ATG7: variants seen among roughly 807,000 people sequenced by gnomAD.
ATG7 encodes the protein ubiquitin-like modifier-activating enzyme ATG7.
Under a neutral mutation model 82.4 loss-of-function variants are expected in ATG7, and 70 were observed. That is an observed-to-expected ratio of 0.85 (90% CI 0.70 to 1.04). The LOEUF (loss-of-function observed/expected upper bound fraction) is 1.04. ATG7 is among the 50% of genes least tolerant of loss of function. The pLI is 0.00. For synonymous variants in ATG7, 287 were observed against 313.0 expected, an observed-to-expected ratio of 0.92 and a Z score of 0.88; for missense variants, 792 against 864.3, an observed-to-expected ratio of 0.92 and a Z score of 1.05.
chr3:11,407,392 G>A (rs11712187), intron 19 of ATG7, among the ~76,000 whole-genome samples: 32,001 of 152,160 alleles, frequency 0.21, 3,809 homozygotes, highest in South Asian at 0.34. Flanking sequence ...ACAGACTGGC[G>A]TTGAGTGTCT....
intron 20 of ATG7, among the ~76,000 whole-genome samples, chr3:11,498,403 C>T (rs1306889152): frequency 3.3e-5 from 5 of 152,202 alleles, no homozygotes; most frequent in Non-Finnish European, 7.3e-5. Context: ...TCTGTATTGT[C>T]ATAGGCTTTT....
rs2077014613 is a variant in ATG7, at chr3:11,371,810, G to T, written c.1875+7076G>T. ...TTTTGTGCTTCCACCAACACTAGTT[G>T]TGTTTCTAAAAGACCCTTGGCACCT... On this transcript the variant is annotated intron_variant, in intron 18 of 20. Coordinates refer to ENST00000693202, the MANE Select transcript of ATG7 (RefSeq NM_001349232.2). 1.3e-5 allele frequency among the ~76,000 whole-genome samples: 2 copies of T among 151,204 alleles called. 1 individual carries two copies. Among genetic ancestry groups the T allele is most frequent in the African/African-American group, 4.9e-5 (2 of 40,962 alleles).
At chr3:11,302,685 G>C (rs1946979473) in intron 5 of ATG7, among the ~76,000 whole-genome samples, 1 of 152,194 alleles carries the variant, frequency 6.6e-6, no homozygotes, top group Non-Finnish European at 1.5e-5. Flanking sequence ...CTTGATAACA[G>C]AATGTGCTAG....
chr3:11,317,325 C>T (rs17034276), intron 9 of ATG7, among the ~76,000 whole-genome samples: 2,657 of 152,228 alleles, frequency 0.017, 83 homozygotes, highest in East Asian at 0.1. Context: ...TGTTTGGAAG[C>T]GACCGTAGGT....
chr3:11,489,873 T>C (rs1273011916), intron 20 of ATG7, among the ~76,000 whole-genome samples: 5 of 152,166 alleles, frequency 3.3e-5, no homozygotes, highest in Non-Finnish European at 7.4e-5. Context: ...CTTTTACATT[T>C]GCTGAGGAGT....
At chr3:11,385,020 G>T (rs1368338793) in intron 19 of ATG7, among the ~76,000 whole-genome samples, 1 of 145,112 alleles carries the variant, frequency 6.9e-6, no homozygotes, top group African/African-American at 2.8e-5. Context: ...TAGTGTTTTT[G>T]TTTGTTTGTT....
intron 13 of ATG7, among the ~76,000 whole-genome samples, chr3:11,346,749 T>G (rs1954610521): frequency 6.6e-6 from 1 of 152,236 alleles, no homozygotes; most frequent in African/African-American, 2.4e-5. Flanking sequence ...CAAGTGACTT[T>G]ATTCTGCCTC....
chr3:11,393,330 T>TA (rs2152876414), intron 19 of ATG7, among the ~76,000 whole-genome samples: 1 of 151,400 alleles, frequency 6.6e-6, no homozygotes, highest in South Asian at 2.1e-4. Flanking sequence ...GATGCTTTTG[T>TA]AATAGCCACA....
chr3:11,573,273 AAGAAAGAAAG>A, the ATG7 span, among the ~76,000 whole-genome samples: 1 of 22,200 alleles, frequency 4.5e-5, no homozygotes, highest in Admixed American at 4.4e-4. Context: ...GAAAGAAAGA[AAGAAAGAAAG>A]AAAGAAAGAA....
rs2072329451 is a variant in ATG7, at chr3:11,555,601, C to G, written c.*758C>G. On this transcript the variant is annotated 3_prime_UTR_variant, in exon 21 of 21. Coordinates refer to ENST00000693202, the MANE Select transcript of ATG7 (RefSeq NM_001349232.2). ...GCTGCCTGGATGGGGCTCCTCCCTG[C>G]CCTTATGAGCAGGCCAGGCCCAGAA... is the stretch of plus-strand genomic sequence containing the variant. The G allele has an allele frequency of 6.6e-6, 1 of 152,204 alleles. No individual in the cohort carries two copies. The highest frequency in any genetic ancestry group is 1.5e-5 in the Non-Finnish European group (1 of 68,140). 9.4% of individuals were successfully genotyped at this position (152,204 alleles called of 1,614,324 possible). A position where few individuals can be genotyped will look rare whatever the true frequency, so the allele number is the denominator to read the frequency against.
chr3:11,304,888 T>G (rs955685079), intron 5 of ATG7, among the ~76,000 whole-genome samples: 70 of 152,278 alleles, frequency 4.6e-4, no homozygotes, highest in African/African-American at 1.6e-3. Flanking sequence ...CCCCTTAGTT[T>G]AAAGGGGTAC....
intron 19 of ATG7, among the ~76,000 whole-genome samples, chr3:11,404,181 G>A (rs777103347): frequency 1.6e-5 from 2 of 127,896 alleles, no homozygotes; most frequent in Non-Finnish European, 1.6e-5. Flanking sequence ...CGCCCAGACC[G>A]GAGTGCAGTG....
At chr3:11,499,718 G>T (rs1018173750) in intron 20 of ATG7, among the ~76,000 whole-genome samples, 2 of 145,560 alleles carry the variant, frequency 1.4e-5, no homozygotes, top group African/African-American at 5.1e-5. Flanking sequence ...TTGCACTCCA[G>T]ACTGGACAAC....
intron 20 of ATG7, among the ~76,000 whole-genome samples, chr3:11,460,169 CT>C (rs2086166540): frequency 6.6e-6 from 1 of 152,202 alleles, no homozygotes; most frequent in South Asian, 2.1e-4. Context: ...TCCACTGGTT[CT>C]TTTGGCGTTG....
rs749619175 is a variant in ATG7, at chr3:11,426,880, A to G, written c.2033A>G (p.Asp678Gly). 21 of 1,612,014 alleles carry G rather than the reference A, an allele frequency of 1.3e-5. No homozygotes were observed. Among genetic ancestry groups the G allele is most frequent in the Non-Finnish European group, 1.8e-5 (21 of 1,179,226 alleles). Residue 678 changes from aspartate to glycine, a missense_variant, in exon 20 of 21, where the codon GAC becomes GGC. Asp to Gly is a moderately conservative substitution (Grantham distance 94). Coordinates refer to ENST00000693202, the MANE Select transcript of ATG7 (RefSeq NM_001349232.2). ...AATTCTTCACATTCCTTCTTAGAAGACTTGACTGGTCTTACATTGCTGCAT... is the reference window on the plus strand; with the variant it reads ...AATTCTTCACATTCCTTCTTAGAAGGCTTGACTGGTCTTACATTGCTGCAT... Reference protein sequence around the residue: ...VFNSSHSFLEDLTGLTLLHQE... With the variant: ...VFNSSHSFLEGLTGLTLLHQE...
chr3:11,412,026 T>G (rs1167919193), intron 19 of ATG7, among the ~76,000 whole-genome samples: 1 of 151,916 alleles, frequency 6.6e-6, no homozygotes, highest in Non-Finnish European at 1.5e-5. Context: ...GTCCTGCTGC[T>G]GCTTGGTGCA....
chr3:11,323,103 A>T (rs1194441399), intron 9 of ATG7, among the ~76,000 whole-genome samples: 1 of 152,220 alleles, frequency 6.6e-6, no homozygotes, highest in Non-Finnish European at 1.5e-5. Flanking sequence ...TCAAAAAAAA[A>T]AGTTAGAACA....
intron 13 of ATG7, among the ~76,000 whole-genome samples, chr3:11,343,607 G>A (rs576164280): frequency 1.3e-5 from 2 of 151,930 alleles, no homozygotes; most frequent in Non-Finnish European, 2.9e-5. Flanking sequence ...TTCCTTTGTG[G>A]GTTATGGAAC....
chr3:11,489,143 T>G (rs2090090390), intron 20 of ATG7, among the ~76,000 whole-genome samples: 1 of 152,242 alleles, frequency 6.6e-6, no homozygotes, highest in African/African-American at 2.4e-5. Context: ...AGGGTGTATG[T>G]GTCGAGGAAT....
Sources: gnomAD v4.1 joint callset for allele counts (sites outside exome capture counted in the v4.1 genomes callset) on GRCh38, gnomAD v4.1.1 for gene constraint, MANE v1.5 for transcripts, NCBI Gene and HGNC (gene_info 2026-07-23, HGNC 2026-07-21) for gene names.